The following PAICS variants were observed in gnomAD, a reference collection of about 807,000 sequenced individuals.
PAICS encodes the protein phosphoribosylaminoimidazole carboxylase and phosphoribosylaminoimidazolesuccinocarboxamide synthase, also known as bifunctional phosphoribosylaminoimidazole carboxylase/phosphoribosylaminoimidazole succinocarboxamide synthetase.
A neutral mutation model predicts 53.7 loss-of-function variants in PAICS; 33 were observed. The ratio of observed to expected loss-of-function variants is 0.61; its 90% CI spans 0.47 to 0.82. The LOEUF is 0.82. Among genes scored for constraint, PAICS ranks in the 40% least tolerant of loss-of-function variants. The pLI, the probability that PAICS is intolerant of heterozygous loss-of-function variation, is 0.00. For missense variants in PAICS, 394 were observed against 494.1 expected, an observed-to-expected ratio of 0.80 and a Z score of 1.92; for synonymous variants, 141 against 167.2, an observed-to-expected ratio of 0.84 and a Z score of 1.21.
intron 8 of PAICS, among the ~76,000 whole-genome samples, chr4:56,455,760 A>T (rs1719161288): frequency 6.6e-6 from 1 of 152,162 alleles, no homozygotes; most frequent in African/African-American, 2.4e-5. Context: ...CTTTTCCACC[A>T]GTCTGATTCT....
chr4:56,431,269 C>T (rs987769382), upstream of PAICS, among the ~76,000 whole-genome samples: 8 of 152,070 alleles, frequency 5.3e-5, no homozygotes, highest in African/African-American at 1.9e-4. Context: ...AATTTGGCAG[C>T]CCAAAGTAAG....
At chr4:56,446,411 C>CTAA (rs1173192119) in intron 2 of PAICS, 2 of 717,726 alleles carry the variant, frequency 2.8e-6, no homozygotes, top group South Asian at 3.0e-5. Flanking sequence ...TTGTGTTTTT[C>CTAA]ATTTAGCCTA....
At position 56,452,028 on chromosome 4, in the gene PAICS, C is replaced by G. The variant is rs764923107; in HGVS notation, c.928C>G (p.Leu310Val). The change falls in exon 7 of 9, where the codon CTG becomes GTG. Residue 310 changes from leucine (L) to valine (V), a missense_variant. By Grantham distance (32) the Leu-to-Val change is conservative (BLOSUM62 1). Coordinates refer to ENST00000512576, the MANE Select transcript of PAICS (RefSeq NM_001079524.2). ...TSAHKGPDETLRIKAEYEGDG... is the reference protein window; with the variant it reads ...TSAHKGPDETVRIKAEYEGDG... The stretch of plus-strand genomic sequence containing the variant: ...TGCGCATAAAGGACCAGATGAAACT[C>G]TGAGGATTAAAGCTGAGTATGAAGG... 6.2e-6 allele frequency: 10 copies of G among 1,607,260 alleles called. No homozygotes were observed. In the South Asian group the frequency reaches 1.1e-4, roughly 18 times the overall value.
chr4:56,456,527 A>C (rs931542302), intron 8 of PAICS, among the ~76,000 whole-genome samples: 22 of 152,168 alleles, frequency 1.4e-4, no homozygotes, highest in African/African-American at 4.1e-4. Context: ...GCCCACCTCA[A>C]ACTCCCAAGT....
intron 8 of PAICS, among the ~76,000 whole-genome samples, chr4:56,458,940 GAT>G (rs1452721857): frequency 3.3e-5 from 5 of 152,192 alleles, no homozygotes; most frequent in African/African-American, 1.2e-4. Flanking sequence ...TTCAAATGCA[GAT>G]AGAAAGATTA....
chr4:56,416,962 G>T, the PAICS span, among the ~76,000 whole-genome samples: 1 of 152,144 alleles, frequency 6.6e-6, no homozygotes, highest in African/African-American at 2.4e-5. Flanking sequence ...CAATTCTCCT[G>T]CCTCAGCCTC....
chr4:56,431,411 C>T, upstream of PAICS: 1 of 979,928 alleles, frequency 1.0e-6, no homozygotes, highest in Non-Finnish European at 1.2e-6. Context: ...GTTCTGTACT[C>T]TGTTTGCAGA....
intron 1 of PAICS, among the ~76,000 whole-genome samples, chr4:56,441,349 G>A (rs916510354): frequency 2.0e-5 from 3 of 152,086 alleles, no homozygotes; most frequent in Admixed American, 6.6e-5. Flanking sequence ...AAAGAGCACA[G>A]GATTTGATGT....
At chr4:56,428,197 T>C in the PAICS span, among the ~76,000 whole-genome samples, 2 of 152,254 alleles carry the variant, frequency 1.3e-5, no homozygotes. Context: ...GATAATCAAA[T>C]ACAAGATTTA....
Position 56,463,709 on chromosome 4 carries a change from AAAG to A in PAICS, c.*4173_*4175del, listed in dbSNP as rs1481902996. 6.6e-6 allele frequency: 1 copy of A among 152,020 alleles called. No homozygotes were observed. Among genetic ancestry groups the A allele is most frequent in the Non-Finnish European group, 1.5e-5 (1 of 68,094 alleles). 9.4% of individuals were successfully genotyped at this position (152,020 alleles called of 1,614,324 possible). A position where few individuals can be genotyped will look rare whatever the true frequency, so the allele number is the denominator to read the frequency against. On this transcript the variant is annotated 3_prime_UTR_variant, in exon 9 of 9. Coordinates refer to ENST00000512576, the MANE Select transcript of PAICS (RefSeq NM_001079524.2). ...AATCTGTCGCCAAAAAAAAAAAAAA[AAAG>A]ATACTGTACATGGAAGCTTCTCAGG...
At chr4:56,414,833 G>C in the PAICS span, among the ~76,000 whole-genome samples, 1 of 152,152 alleles carries the variant, frequency 6.6e-6, no homozygotes. Context: ...CATAACTCCA[G>C]ATTTTTATTT....
the PAICS span, among the ~76,000 whole-genome samples, chr4:56,424,983 G>A: frequency 6.6e-6 from 1 of 152,148 alleles, no homozygotes; most frequent in Non-Finnish European, 1.5e-5. Flanking sequence ...AGGAGGTCAC[G>A]CTGATCTTCA....
intron 2 of PAICS, among the ~76,000 whole-genome samples, chr4:56,443,204 C>T (rs1242791497): frequency 6.6e-6 from 1 of 152,028 alleles, no homozygotes; most frequent in African/African-American, 2.4e-5. Flanking sequence ...TATTTTAAGT[C>T]AGAATCTTGC....
upstream of PAICS, chr4:56,431,523 G>A (rs73157739): frequency 0.023 from 22,341 of 981,104 alleles, 439 homozygotes; most frequent in East Asian, 0.2. Flanking sequence ...GAATGTTTCT[G>A]CAGACAGAAA....
intron 3 of PAICS, among the ~76,000 whole-genome samples, chr4:56,448,007 CTTT>C (rs35788109): frequency 3.3e-5 from 4 of 122,018 alleles, no homozygotes; most frequent in Non-Finnish European, 3.3e-5. Context: ...AATTTCTTTT[CTTT>C]TTTTTTTTTT....
chr4:56,435,954 C>T, upstream of PAICS: 3 of 1,503,666 alleles, frequency 2.0e-6, no homozygotes, highest in South Asian at 2.2e-5. Flanking sequence ...TGAGTCGCTC[C>T]CGCAGCCGAG....
chr4:56,454,888 T>G (rs1719110043), intron 8 of PAICS, among the ~76,000 whole-genome samples: 1 of 152,202 alleles, frequency 6.6e-6, no homozygotes, highest in Non-Finnish European at 1.5e-5. Flanking sequence ...CTGGGTGCAG[T>G]GGCTCATGCC....
At position 56,448,815 on chromosome 4, in the gene PAICS, G is replaced by C. The variant is rs766254021; in HGVS notation, c.679G>C (p.Asp227His). 1.3e-6 allele frequency: 2 copies of C among 1,525,652 alleles called. No individual in the cohort carries two copies. Among genetic ancestry groups the C allele is most frequent in the East Asian group, 4.5e-5 (2 of 44,064 alleles). The allele number at this position is 1,525,652 out of a possible 1,614,324, so 94.5% of individuals were successfully genotyped here. Residue 227 changes from aspartate (D) to histidine (H), a missense_variant, in exon 5 of 9, where the codon GAC (aspartate) becomes CAC (histidine). Around this residue, in one of 3 missense-constraint regions of PAICS, gnomAD observed 131 missense variants for 205.5 expected, o/e 0.64. Transcript: ENST00000512576. ...WPSGDRSQQK[D>H]KQSYRDLKEV... The stretch of plus-strand genomic sequence containing the variant: ...ATCAGGAGATCGAAGCCAACAGAAA[G>C]ACAAACAGGTAGATAATGCTTCAGG...
At chr4:56,439,751 A>G (rs1185904133) in intron 1 of PAICS, among the ~76,000 whole-genome samples, 1 of 151,948 alleles carries the variant, frequency 6.6e-6, no homozygotes, top group East Asian at 1.9e-4. Context: ...GACCTCCCCA[A>G]GTAGCTGAGA....
Sources: gnomAD v4.1 joint callset for allele counts (sites outside exome capture counted in the v4.1 genomes callset) on GRCh38, gnomAD v4.1.1 for gene constraint, gnomAD v4.1.1 regional missense constraint, MANE v1.5 for transcripts, NCBI Gene and HGNC (gene_info 2026-07-23, HGNC 2026-07-21) for gene names.